The following SLIT3 variants were observed in gnomAD, a reference collection of about 807,000 sequenced individuals.
The protein encoded by SLIT3 is slit homolog 3 protein.
A neutral mutation model predicts 184.0 loss-of-function variants in SLIT3; 68 were observed. That is an observed-to-expected ratio of 0.37 (90% CI 0.30 to 0.45). The LOEUF (loss-of-function observed/expected upper bound fraction) is 0.45, where lower values mean the gene tolerates loss of function less well. Among genes scored for constraint, SLIT3 ranks in the 20% least tolerant of loss-of-function variants. SLIT3 has a pLI of 1.00. For missense variants in SLIT3, 1,707 were observed against 2,026.0 expected (o/e 0.84, Z 3.02); for synonymous variants, 831 against 828.6 (o/e 1.00, Z -0.05).
At chr5:168,722,397 G>T (rs567273773) in intron 22 of SLIT3, 70 bp from the exon 23 acceptor site, 4 of 1,342,632 alleles carry the variant, frequency 3.0e-6, no homozygotes, top group Non-Finnish European at 4.3e-6. Context: ...CACTGTTCAC[G>T]TTGTGAAACA....
intron 4 of SLIT3, among the ~76,000 whole-genome samples, chr5:169,028,446 G>A (rs1464512261): frequency 2.6e-5 from 4 of 152,250 alleles, no homozygotes; most frequent in South Asian, 4.1e-4. Context: ...TCTTTGCCAC[G>A]GTTTTCTCAT....
chr5:169,070,746 C>T (rs1758513768), intron 4 of SLIT3, among the ~76,000 whole-genome samples: 1 of 149,326 alleles, frequency 6.7e-6, no homozygotes, highest in South Asian at 2.1e-4. Context: ...GTGTTGAATT[C>T]CATAGTGCTG....
chr5:169,068,669 C>T (rs900976920), intron 4 of SLIT3, among the ~76,000 whole-genome samples: 3 of 152,140 alleles, frequency 2.0e-5, no homozygotes, highest in African/African-American at 7.2e-5. Context: ...CCCAACAATG[C>T]ATGTAGGCCA....
chr5:168,864,628 C>G (rs1306538308), intron 5 of SLIT3, among the ~76,000 whole-genome samples: 1 of 152,146 alleles, frequency 6.6e-6, no homozygotes, highest in Non-Finnish European at 1.5e-5. Context: ...GGCCCAGCAC[C>G]CTTGCCAATT....
At chr5:168,977,333 C>T (rs1449821134) in intron 4 of SLIT3, among the ~76,000 whole-genome samples, 5 of 152,192 alleles carry the variant, frequency 3.3e-5, no homozygotes, top group Admixed American at 3.3e-4. Flanking sequence ...GGTCAGACTC[C>T]AGTGAGACAT....
intron 4 of SLIT3, among the ~76,000 whole-genome samples, chr5:169,080,300 C>T (rs932754190): frequency 9.2e-5 from 14 of 152,238 alleles, no homozygotes; most frequent in African/African-American, 2.9e-4. Context: ...GCGTGTTTGT[C>T]GGTGATAATA....
At chr5:168,767,883 C>T (rs980933478) in intron 14 of SLIT3, among the ~76,000 whole-genome samples, 1 of 152,144 alleles carries the variant, frequency 6.6e-6, no homozygotes. Flanking sequence ...GAGCTTGAAC[C>T]TAGTTATTAC....
chr5:168,822,474 C>T (rs901304131), intron 7 of SLIT3, among the ~76,000 whole-genome samples: 14 of 152,008 alleles, frequency 9.2e-5, no homozygotes, highest in South Asian at 2.1e-4. Flanking sequence ...CAAATACCAC[C>T]GAAGCTCCAC....
At chr5:169,219,210 T>C (rs1240992748) in intron 3 of SLIT3, among the ~76,000 whole-genome samples, 1 of 152,198 alleles carries the variant, frequency 6.6e-6, no homozygotes, top group Non-Finnish European at 1.5e-5. Flanking sequence ...AGGAGACGAC[T>C]GTCCCACCTC....
At chr5:169,107,762 T>C (rs1231916366) in intron 4 of SLIT3, among the ~76,000 whole-genome samples, 1 of 152,252 alleles carries the variant, frequency 6.6e-6, no homozygotes, top group East Asian at 1.9e-4. Flanking sequence ...CTTTCAGTTC[T>C]TCCAATGTCT....
At chr5:169,103,398 G>A (rs1760088571) in intron 4 of SLIT3, among the ~76,000 whole-genome samples, 1 of 152,138 alleles carries the variant, frequency 6.6e-6, no homozygotes, top group Non-Finnish European at 1.5e-5. Context: ...AAAAGCCCTG[G>A]CCCAGGTGAT....
intron 4 of SLIT3, among the ~76,000 whole-genome samples, chr5:169,023,345 T>C (rs1190346926): frequency 6.6e-6 from 1 of 152,254 alleles, no homozygotes; most frequent in East Asian, 1.9e-4. Context: ...ATTTTGTCTG[T>C]GTGTAGAAAT....
chr5:168,998,893 C>CTGTGTGTGTGTGTGTGTGTGTGTG (rs71575505), intron 4 of SLIT3, among the ~76,000 whole-genome samples: 11 of 143,186 alleles, frequency 7.7e-5, no homozygotes, highest in African/African-American at 2.9e-4. Flanking sequence ...ACCCAGAAAT[C>CTGTGTGTGTGTGTGTGTGTGTGTG]TGTGTGTGTG....
rs769728232 is a variant in SLIT3, at chr5:168,749,677, T to C, written c.1974-42A>G. 8 of 1,610,026 alleles carry C rather than the reference T, an allele frequency of 5.0e-6. No homozygotes were observed. The South Asian group carries it at 7.7e-5, about 15-fold the overall frequency. ...GTGCTTAGCCTCCATCCTTCTACTG[T>C]GGGAGCGGCCCTGGGATCTGCTGCC... is the stretch of plus-strand genomic sequence containing the variant. On this transcript the variant is annotated intron_variant, in intron 18 of 35. Coordinates refer to ENST00000519560, the MANE Select transcript of SLIT3 (RefSeq NM_003062.4).
chr5:168,731,139 A>C (rs1282833353), intron 20 of SLIT3, among the ~76,000 whole-genome samples: 2 of 152,064 alleles, frequency 1.3e-5, no homozygotes, highest in Non-Finnish European at 1.5e-5. Flanking sequence ...AAAGATCATC[A>C]GACTATTATG....
intron 15 of SLIT3, among the ~76,000 whole-genome samples, chr5:168,761,899 G>A (rs946307011): frequency 6.8e-6 from 1 of 146,202 alleles, no homozygotes; most frequent in African/African-American, 2.6e-5. Context: ...CCACTATCAT[G>A]CCCAGCTAAT....
chr5:168,727,917 C>G (rs1398445115), intron 20 of SLIT3, among the ~76,000 whole-genome samples: 1 of 152,120 alleles, frequency 6.6e-6, no homozygotes, highest in Non-Finnish European at 1.5e-5. Context: ...CTATGGGGAG[C>G]TTGGAGGCAG....
In SLIT3 at chr5:168,774,329, C is replaced by G; in HGVS notation, c.1201G>C (p.Asp401His). 6.2e-7 allele frequency: 1 copy of G among 1,614,028 alleles called. No individual in the cohort carries two copies. The highest frequency in any genetic ancestry group is 2.2e-5 in the East Asian group (1 of 44,866). ...GAGAGCAAGTTGAGGTTCTGCAGGT[C>G]CTGAAACGTGTTCACCCGCAGGCAG... ...INCLRVNTFQ[D>H]LQNLNLLSLY... Residue 401 changes from aspartate (D) to histidine (H), a missense_variant, in exon 13 of 36, where the codon GAC becomes CAC. By Grantham distance (81) the Asp-to-His change is moderately conservative (BLOSUM62 -1). Transcript: ENST00000519560.
At chr5:169,240,177 A>G (rs987721124) in intron 3 of SLIT3, among the ~76,000 whole-genome samples, 5 of 152,048 alleles carry the variant, frequency 3.3e-5, no homozygotes, top group African/African-American at 1.2e-4. Context: ...AGATCAGTAT[A>G]TAATAAAACT....
Sources: gnomAD v4.1 joint callset for allele counts (sites outside exome capture counted in the v4.1 genomes callset) on GRCh38, gnomAD v4.1.1 for gene constraint, MANE v1.5 for transcripts, NCBI Gene and HGNC (gene_info 2026-07-23, HGNC 2026-07-21) for gene names.